PPFIA2: variants seen among roughly 807,000 people sequenced by gnomAD.
The protein encoded by PPFIA2 is PPFI scaffold protein A2, also known as liprin-alpha-2.
Under a neutral mutation model 175.5 loss-of-function variants are expected in PPFIA2, and 46 were observed. That is an observed-to-expected ratio of 0.26 (90% CI 0.21 to 0.34). The LOEUF (loss-of-function observed/expected upper bound fraction) is 0.34. Ranked by LOEUF, PPFIA2 falls within the 10% of genes least tolerant of loss-of-function variation. PPFIA2 has a pLI of 1.00. For synonymous variants in PPFIA2, 568 were observed against 511.4 expected (o/e 1.11, Z -1.49); for missense variants, 1,179 against 1,506.1 (o/e 0.78, Z 3.60).
intron 4 of PPFIA2, among the ~76,000 whole-genome samples, chr12:81,612,778 T>C (rs1406574390): frequency 6.6e-6 from 1 of 152,234 alleles, no homozygotes; most frequent in African/African-American, 2.4e-5. Flanking sequence ...TGAATGTACA[T>C]AGATGTGTCA....
intron 3 of PPFIA2, among the ~76,000 whole-genome samples, chr12:81,698,472 C>T (rs981364306): frequency 6.6e-6 from 1 of 152,000 alleles, no homozygotes; most frequent in East Asian, 1.9e-4. Context: ...TTCCTAGCCT[C>T]CAGAACTGTA....
chr12:81,481,734 A>G (rs1354491869), intron 4 of PPFIA2, among the ~76,000 whole-genome samples: 1 of 152,212 alleles, frequency 6.6e-6, no homozygotes, highest in Non-Finnish European at 1.5e-5. Flanking sequence ...TCATACAAAA[A>G]TTAACTCAAG....
intron 29 of PPFIA2, among the ~76,000 whole-genome samples, chr12:81,267,571 G>A (rs1367761178): frequency 6.6e-6 from 1 of 152,062 alleles, no homozygotes; most frequent in Non-Finnish European, 1.5e-5. Context: ...CCAATGCTAA[G>A]AGTCTGTATA....
chr12:81,417,398 T>C (rs976796723), intron 7 of PPFIA2: 2 of 151,078 alleles, frequency 1.3e-5, no homozygotes, highest in African/African-American at 4.9e-5. Flanking sequence ...GTCGAAATTA[T>C]AGGCTGTGTC....
At chr12:81,269,990 T>C (rs1043324893) in intron 28 of PPFIA2, among the ~76,000 whole-genome samples, 32 of 152,154 alleles carry the variant, frequency 2.1e-4, no homozygotes, top group Admixed American at 1.2e-3. Flanking sequence ...GGTTGATGAG[T>C]GGACCAAAAT....
intron 3 of PPFIA2, among the ~76,000 whole-genome samples, chr12:81,715,244 G>A (rs2078449822): frequency 6.8e-6 from 1 of 147,080 alleles, no homozygotes; most frequent in South Asian, 2.1e-4. Context: ...CATTTGGTAA[G>A]ACTGTGTGAA....
chr12:81,680,518 C>A (rs2073414670), intron 3 of PPFIA2, among the ~76,000 whole-genome samples: 1 of 151,794 alleles, frequency 6.6e-6, no homozygotes, highest in Non-Finnish European at 1.5e-5. Context: ...TCTATGTTGG[C>A]GATGCAGGTA....
intron 9 of PPFIA2, among the ~76,000 whole-genome samples, chr12:81,378,506 C>T (rs1466981305): frequency 6.6e-6 from 1 of 152,064 alleles, no homozygotes; most frequent in African/African-American, 2.4e-5. Flanking sequence ...TAAATAATGC[C>T]TACTATTTAA....
intron 4 of PPFIA2, among the ~76,000 whole-genome samples, chr12:81,621,533 A>C (rs574612303): frequency 6.6e-6 from 1 of 152,314 alleles, no homozygotes; most frequent in East Asian, 1.9e-4. Flanking sequence ...GTGGATGCAG[A>C]GGGTTAGTTA....
At chr12:81,712,570 T>C (rs1488655303) in intron 3 of PPFIA2, among the ~76,000 whole-genome samples, 1 of 151,140 alleles carries the variant, frequency 6.6e-6, no homozygotes, top group Non-Finnish European at 1.5e-5. Flanking sequence ...TGTGTATAGG[T>C]TGCATTTTAG....
At chr12:81,371,916 C>CAG (rs1345983915) in intron 11 of PPFIA2, among the ~76,000 whole-genome samples, 1 of 150,716 alleles carries the variant, frequency 6.6e-6, no homozygotes, top group Non-Finnish European at 1.5e-5. Flanking sequence ...CACAAACACA[C>CAG]ACACACACAC....
At chr12:81,354,737 G>A (rs889630778) in intron 16 of PPFIA2, among the ~76,000 whole-genome samples, 4 of 151,810 alleles carry the variant, frequency 2.6e-5, no homozygotes, top group Admixed American at 1.3e-4. Context: ...TCTGCCACCC[G>A]AGCTCAAGCT....
chr12:81,611,816 C>T (rs902035853), intron 4 of PPFIA2, among the ~76,000 whole-genome samples: 10 of 152,138 alleles, frequency 6.6e-5, no homozygotes, highest in Non-Finnish European at 1.3e-4. Context: ...CAAGGCCTGT[C>T]TCTGCCTATT....
At chr12:81,413,457 A>C (rs2044366397) in intron 7 of PPFIA2, among the ~76,000 whole-genome samples, 1 of 151,786 alleles carries the variant, frequency 6.6e-6, no homozygotes, top group Admixed American at 6.6e-5. Context: ...ATAAAGAAAT[A>C]AAAGAATGGG....
Position 81,408,700 on chromosome 12 carries a change from C to A in PPFIA2, c.646-2797G>T, listed in dbSNP as rs372733151. 3.9e-5 allele frequency among the ~76,000 whole-genome samples: 6 copies of A among 152,282 alleles called. 1 individual carries two copies. Among genetic ancestry groups the A allele is most frequent in the African/African-American group, 1.4e-4 (6 of 41,580 alleles). ...AAAATTCTAAACTTCAAGTTTGCTA[C>A]AGTGTATACATGACAATTAGTTCCA... On this transcript the variant is annotated intron_variant, in intron 7 of 32. Coordinates refer to ENST00000549396, the MANE Select transcript of PPFIA2 (RefSeq NM_003625.5).
At chr12:81,516,251 T>A (rs560641488) in intron 4 of PPFIA2, among the ~76,000 whole-genome samples, 1 of 152,264 alleles carries the variant, frequency 6.6e-6, no homozygotes, top group Non-Finnish European at 1.5e-5. Context: ...AAGAGGAGGA[T>A]AATTCTTCCT....
At chr12:81,295,783 G>C (rs2046299458) in intron 23 of PPFIA2, among the ~76,000 whole-genome samples, 1 of 152,052 alleles carries the variant, frequency 6.6e-6, no homozygotes, top group Admixed American at 6.6e-5. Flanking sequence ...ATGAGGTCAG[G>C]AGTTCGAGAC....
chr12:81,569,191 T>A (rs1356936827), intron 4 of PPFIA2, among the ~76,000 whole-genome samples: 1 of 152,174 alleles, frequency 6.6e-6, no homozygotes, highest in African/African-American at 2.4e-5. Flanking sequence ...TGTTCATATT[T>A]CATTGAATAA....
At chr12:81,278,537 C>T (rs2041192864) in intron 27 of PPFIA2, among the ~76,000 whole-genome samples, 1 of 30,512 alleles carries the variant, frequency 3.3e-5, no homozygotes. Flanking sequence ...GAGACTCCAT[C>T]TCCAAAAAAA....
Sources: allele counts gnomAD v4.1 joint callset (sites outside exome capture counted in the v4.1 genomes callset), GRCh38; gene constraint gnomAD v4.1.1; transcripts MANE v1.5; gene names NCBI Gene and HGNC (gene_info 2026-07-23, HGNC 2026-07-21).